Variants in GSPT1 observed in about 807,000 individuals in gnomAD.
The protein encoded by GSPT1 is eukaryotic peptide chain release factor GTP-binding subunit ERF3A.
In GSPT1, 20 loss-of-function variants were observed where a neutral mutation model predicts 72.5. The observed-to-expected ratio is 0.28, with a 90% CI of 0.19 to 0.40. The LOEUF (loss-of-function observed/expected upper bound fraction) is 0.40, where lower values mean the gene tolerates loss of function less well. Among genes scored for constraint, GSPT1 ranks in the 10% least tolerant of loss-of-function variants. GSPT1 has a pLI of 1.00. For missense variants in GSPT1, 580 were observed against 811.9 expected (o/e 0.71, Z 3.47); for synonymous variants, 334 against 293.5 (o/e 1.14, Z -1.41).
chr16:11,911,551 AT>A (rs3971907), intron 1 of GSPT1, among the ~76,000 whole-genome samples: 58,691 of 107,606 alleles, frequency 0.55, 15,233 homozygotes, highest in Admixed American at 0.67. Context: ...ACACCCAGCT[AT>A]TTTTTTTTTT....
At chr16:11,886,432 C>T (rs1189333727) in intron 9 of GSPT1, 39 bp downstream of exon 9, 3 of 1,431,156 alleles carry the variant, frequency 2.1e-6, no homozygotes, top group East Asian at 4.6e-5. Context: ...GTAATAACAT[C>T]CTTTTCCTTT....
intron 1 of GSPT1, among the ~76,000 whole-genome samples, chr16:11,913,417 C>T (rs562075275): frequency 6.6e-6 from 1 of 152,330 alleles, no homozygotes; most frequent in East Asian, 1.9e-4. Context: ...CTGACAGCTA[C>T]TTCCCTACAG....
chr16:11,899,330 CT>C (rs36028471), intron 1 of GSPT1, among the ~76,000 whole-genome samples: 65 of 146,524 alleles, frequency 4.4e-4, no homozygotes, highest in East Asian at 9.9e-4. Flanking sequence ...AAATTGTTTT[CT>C]TTTTTTTTTT....
intron 6 of GSPT1, 34 bp from the exon 7 acceptor site, chr16:11,887,784 T>C (rs750243399): frequency 1.4e-6 from 2 of 1,410,366 alleles, no homozygotes; most frequent in Non-Finnish European, 2.0e-6. Flanking sequence ...ACAATATTCC[T>C]AAGAACATCA....
intron 1 of GSPT1, among the ~76,000 whole-genome samples, chr16:11,902,042 T>C (rs905669498): frequency 4.1e-5 from 6 of 146,680 alleles, no homozygotes; most frequent in African/African-American, 1.3e-4. Context: ...TGAGCTGAGA[T>C]TGCACCATCG....
intron 11 of GSPT1, among the ~76,000 whole-genome samples, chr16:11,880,475 C>T (rs745989766): frequency 2.0e-5 from 3 of 152,148 alleles, no homozygotes; most frequent in Admixed American, 6.5e-5. Flanking sequence ...CTTGCCAACA[C>T]GTGTTACTCT....
intron 1 of GSPT1, among the ~76,000 whole-genome samples, chr16:11,899,330 CTTTT>C (rs36028471): frequency 6.8e-6 from 1 of 146,812 alleles, no homozygotes; most frequent in Non-Finnish European, 1.5e-5. Flanking sequence ...AAATTGTTTT[CTTTT>C]TTTTTTTAAG....
At chr16:11,912,364 A>G (rs977051242) in intron 1 of GSPT1, among the ~76,000 whole-genome samples, 4 of 146,144 alleles carry the variant, frequency 2.7e-5, no homozygotes, top group Admixed American at 6.8e-5. Context: ...AAAAAAAAAC[A>G]AAAAAAAAAC....
chr16:11,868,727 A>T lies in GSPT1; in HGVS notation c.*4392T>A, dbSNP rs1052446227. ...CTGGTAGAGGGGAGCCTCAGGAAGCACAAGATGTCATTCCACCTGTGCTGT... is the reference window on the plus strand; with the variant it reads ...CTGGTAGAGGGGAGCCTCAGGAAGCTCAAGATGTCATTCCACCTGTGCTGT... On this transcript the variant is annotated 3_prime_UTR_variant, in exon 15 of 15. Coordinates refer to ENST00000434724, the MANE Select transcript of GSPT1 (RefSeq NM_002094.4). The T allele has an allele frequency of 6.6e-6, 1 of 152,232 alleles. No homozygotes were observed. The highest frequency in any genetic ancestry group is 2.4e-5 in the African/African-American group (1 of 41,464). The allele number at this position is 152,232 out of a possible 1,614,324, so 9.4% of individuals were successfully genotyped here. A position where few individuals can be genotyped will look rare whatever the true frequency, so the allele number is the denominator to read the frequency against.
At chr16:11,887,058 C>T (rs574591797) in intron 7 of GSPT1, 127 bp from the exon 8 acceptor site, 49 of 628,820 alleles carry the variant, frequency 7.8e-5, no homozygotes, top group Non-Finnish European at 9.7e-5. Context: ...TAGAAGCAAA[C>T]GAGTTATGAC....
intron 6 of GSPT1, 176 bp downstream of exon 6, chr16:11,890,886 T>G (rs2054250418): frequency 2.2e-6 from 1 of 444,540 alleles, no homozygotes; most frequent in Non-Finnish European, 4.0e-6. Flanking sequence ...TTTCTCTGTG[T>G]AAGTTATTAA....
At chr16:11,898,626 T>C (rs1426909849) in intron 1 of GSPT1, among the ~76,000 whole-genome samples, 6 of 152,190 alleles carry the variant, frequency 3.9e-5, no homozygotes, top group African/African-American at 1.4e-4. Flanking sequence ...TAATTTTGTA[T>C]TTTTAGTAGA....
chr16:11,885,502 T>C (rs1475576534), intron 9 of GSPT1, among the ~76,000 whole-genome samples: 1 of 152,214 alleles, frequency 6.6e-6, no homozygotes, highest in Non-Finnish European at 1.5e-5. Context: ...AAATATTTTA[T>C]AGCAAATAGC....
Position 11,897,892 on chromosome 16 carries a change from G to C in GSPT1, c.395-11C>G, listed in dbSNP as rs746804297. On this transcript the variant is annotated splice_polypyrimidine_tract_variant and intron_variant, in intron 2 of 14. Coordinates refer to ENST00000434724, the MANE Select transcript of GSPT1 (RefSeq NM_002094.4). ...CAGCTGAATTTGAACCTAGACAAGA[G>C]ATTGAAATATAATATATATTTACCA... 2 of 1,525,136 alleles carry C rather than the reference G, an allele frequency of 1.3e-6. No homozygotes were observed. Among genetic ancestry groups the C allele is most frequent in the South Asian group, 1.2e-5 (1 of 84,214 alleles). The allele number at this position is 1,525,136 out of a possible 1,614,324, so 94.5% of individuals were successfully genotyped here. A position where few individuals can be genotyped will look rare whatever the true frequency, so the allele number is the denominator to read the frequency against.
intron 5 of GSPT1, among the ~76,000 whole-genome samples, chr16:11,892,515 A>AAAAAATAAT (rs1567443201): frequency 1.5e-5 from 2 of 132,676 alleles, no homozygotes; most frequent in African/African-American, 3.1e-5. Context: ...TCAAAAAAAC[A>AAAAAATAAT]AAAAAAACAA....
At chr16:11,890,559 T>TAAGGC (rs1435170562) in intron 6 of GSPT1, among the ~76,000 whole-genome samples, 1 of 152,168 alleles carries the variant, frequency 6.6e-6, no homozygotes, top group Non-Finnish European at 1.5e-5. Context: ...CCCATTGAGG[T>TAAGGC]AAGGCTTGCT....
chr16:11,893,854 G>A (rs1335229873), intron 5 of GSPT1, among the ~76,000 whole-genome samples: 3 of 152,018 alleles, frequency 2.0e-5, no homozygotes, highest in African/African-American at 7.3e-5. Context: ...TAACTGGCAA[G>A]ATTACCAATG....
chr16:11,916,027 C>T (rs2054634034), upstream of GSPT1: 2 of 648,744 alleles, frequency 3.1e-6, no homozygotes, highest in Admixed American at 3.6e-5. Flanking sequence ...ATTGACCCCT[C>T]GCCGCCACCC....
intron 1 of GSPT1, among the ~76,000 whole-genome samples, chr16:11,902,649 G>A (rs111390770): frequency 0.037 from 5,545 of 150,610 alleles, 347 homozygotes; most frequent in African/African-American, 0.13. Flanking sequence ...GTGCACTATC[G>A]CAGTCTCGGC....
Sources: allele counts gnomAD v4.1 joint callset (sites outside exome capture counted in the v4.1 genomes callset), GRCh38; gene constraint gnomAD v4.1.1; transcripts MANE v1.5; gene names NCBI Gene and HGNC (gene_info 2026-07-23, HGNC 2026-07-21).